ROS1: variants seen among roughly 807,000 people sequenced by gnomAD.
ROS1 encodes the protein ROS proto-oncogene 1, receptor tyrosine kinase.
ROS1 carries 263 observed loss-of-function variants against 273.5 expected under a neutral mutation model. That is an observed-to-expected ratio of 0.96 (90% confidence interval 0.87 to 1.06). ROS1 has a LOEUF of 1.06. Among genes scored for constraint, ROS1 ranks in the 50% least tolerant of loss-of-function variants. The pLI, the probability that ROS1 is intolerant of heterozygous loss-of-function variation, is 0.00. For missense variants in ROS1, 2,833 were observed against 2,751.1 expected, an observed-to-expected ratio of 1.03 and a Z score of -0.67; for synonymous variants, 1,008 against 954.1, an observed-to-expected ratio of 1.06 and a Z score of -1.04.
At chr6:117,356,415 A>AT (rs1779306474) in intron 26 of ROS1, among the ~76,000 whole-genome samples, 1 of 152,232 alleles carries the variant, frequency 6.6e-6, no homozygotes, top group Non-Finnish European at 1.5e-5. Context: ...GTTAATTACA[A>AT]TTTTTTAAAA....
intron 42 of ROS1, among the ~76,000 whole-genome samples, chr6:117,305,665 T>G (rs1008845632): frequency 1.3e-5 from 2 of 152,154 alleles, no homozygotes; most frequent in African/African-American, 4.8e-5. Context: ...GGTTCTCAAA[T>G]AGCAATAAAC....
chr6:117,394,814 T>A, intron 9 of ROS1, 76 bp from the exon 10 acceptor site: 2 of 1,322,284 alleles, frequency 1.5e-6, no homozygotes, highest in Non-Finnish European at 2.0e-6. Flanking sequence ...AGATCAGTAC[T>A]ACCCTTCAAA....
chr6:117,336,543 T>C (rs1170741248), intron 32 of ROS1, among the ~76,000 whole-genome samples: 1 of 152,210 alleles, frequency 6.6e-6, no homozygotes, highest in African/African-American at 2.4e-5. Flanking sequence ...ATGGTGTATA[T>C]GTACCACATT....
intron 26 of ROS1, among the ~76,000 whole-genome samples, chr6:117,354,943 G>T (rs190157771): frequency 6.6e-6 from 1 of 152,314 alleles, no homozygotes; most frequent in Non-Finnish European, 1.5e-5. Flanking sequence ...TACAGGGACA[G>T]CATCCAGGAT....
rs563903654 is a variant in ROS1, at chr6:117,335,229, G to A, written c.5230+1943C>T. 4.0e-4 allele frequency among the ~76,000 whole-genome samples: 61 copies of A among 152,096 alleles called. 3 individuals carry two copies. The South Asian group carries it at 9.1e-3, about 23-fold the overall frequency. On this transcript the variant is annotated intron_variant, in intron 32 of 43. Coordinates refer to ENST00000368507, the MANE Select transcript of ROS1 (RefSeq NM_001378902.1). ...AAAGGGATTTATGCAGCCAATAAAC[G>A]TATGAAAAAAGCTCAACATCACTGA...
intron 36 of ROS1, among the ~76,000 whole-genome samples, chr6:117,320,283 G>A (rs1442372165): frequency 1.3e-5 from 2 of 152,114 alleles, no homozygotes; most frequent in African/African-American, 2.4e-5. Flanking sequence ...AAATATATAT[G>A]TGTATGCATT....
Position 117,425,528 on chromosome 6 carries a change from A to T in ROS1, c.123+6T>A, listed in dbSNP as rs781131727. ...GCAAAGACAAATATTAGATTGTGAG[A>T]CTTACCAGATTAGTTACACACGACT... On this transcript the variant is annotated splice_donor_region_variant and intron_variant, in intron 1 of 43. Transcript: ENST00000368507. 5.0e-6 allele frequency: 8 copies of T among 1,587,012 alleles called. No individual in the cohort carries two copies. In the Admixed American group the frequency reaches 1.5e-4, roughly 30 times the overall value.
intron 7 of ROS1, among the ~76,000 whole-genome samples, chr6:117,399,194 G>A (rs1405710453): frequency 6.6e-6 from 1 of 152,126 alleles, no homozygotes; most frequent in East Asian, 1.9e-4. Context: ...CAGGAGAAAG[G>A]CCCAGAAATG....
chr6:117,340,433 C>T (rs530498205), intron 31 of ROS1, among the ~76,000 whole-genome samples: 7 of 152,090 alleles, frequency 4.6e-5, no homozygotes, highest in Non-Finnish European at 8.8e-5. Context: ...TTTAAAAACA[C>T]GTACACATAC....
At chr6:117,365,773 G>A in intron 19 of ROS1, 32 bp from the exon 20 acceptor site, 1 of 1,458,868 alleles carries the variant, frequency 6.9e-7, no homozygotes, top group African/African-American at 1.4e-5. Flanking sequence ...AGAAATAGGA[G>A]AAAAAAATGG....
rs1228020371 is a variant in ROS1 at position 117,359,911 on chromosome 6, T to C, written c.3531A>G (p.Arg1177=). 1 of 1,613,816 alleles carries C rather than the reference T, an allele frequency of 6.2e-7. No individual in the cohort carries two copies. Among genetic ancestry groups the C allele is most frequent in the Non-Finnish European group, 8.5e-7 (1 of 1,179,776 alleles). The change falls in exon 24 of 44, where the codon AGA becomes AGG. Residue 1177 remains arginine (R), a synonymous_variant. Transcript: ENST00000368507. ...CTGTGTAGCAAACGGCACTGATAAC[T>C]CTTTCTGCTGAAAACGTCCACACAA... ...NQVVWTFSAE[R]VISAVCYTAD...
At position 117,394,154 on chromosome 6, in the gene ROS1, G is replaced by C; in HGVS notation, c.1191+8C>G. ...TATCACTATTCCTCTTTAACTTCTC[G>C]GACTAACCAGTTCATCCATGATGAA... On this transcript the variant is annotated splice_region_variant and intron_variant, in intron 11 of 43. Transcript: ENST00000368507. The C allele has an allele frequency of 1.3e-6, 2 of 1,554,328 alleles. No homozygotes were observed. The highest frequency in any genetic ancestry group is 1.7e-6 in the Non-Finnish European group (2 of 1,148,130).
intron 16 of ROS1, among the ~76,000 whole-genome samples, chr6:117,385,013 C>T (rs939604498): frequency 5.3e-5 from 8 of 152,280 alleles, no homozygotes; most frequent in Middle Eastern, 3.4e-3. Context: ...CTTATGTCTT[C>T]GCACACTTGT....
At chr6:117,355,060 G>A (rs1241342039) in intron 26 of ROS1, among the ~76,000 whole-genome samples, 1 of 152,184 alleles carries the variant, frequency 6.6e-6, no homozygotes, top group African/African-American at 2.4e-5. Flanking sequence ...AAGGGTGGGA[G>A]ATGAAGAACT....
chr6:117,291,609 C>T (rs749121816), intron 43 of ROS1, among the ~76,000 whole-genome samples: 1 of 152,146 alleles, frequency 6.6e-6, no homozygotes, highest in Non-Finnish European at 1.5e-5. Flanking sequence ...ATGAGCAAGT[C>T]ACTAAACCTC....
Position 117,404,276 on chromosome 6 carries a change from A to T in ROS1, c.465+4T>A. 6.2e-7 allele frequency: 1 copy of T among 1,613,362 alleles called. No homozygotes were observed. The highest frequency in any genetic ancestry group is 8.5e-7 in the Non-Finnish European group (1 of 1,179,574). On this transcript the variant is annotated splice_donor_region_variant and intron_variant, in intron 6 of 43. Transcript: ENST00000368507. ...GGTTGAGGTACAAAGGCAGCCTTTC[A>T]TACCTTAGTATAAGTCCAGCTTCCC...
rs1445541132 is a variant in ROS1, at chr6:117,423,410, C to T, written c.123+2124G>A. 2.0e-5 allele frequency among the ~76,000 whole-genome samples: 3 copies of T among 152,152 alleles called. No homozygotes were observed. In the East Asian group the frequency reaches 5.8e-4, roughly 29 times the overall value. On this transcript the variant is annotated intron_variant, in intron 1 of 43. Coordinates refer to ENST00000368507, the MANE Select transcript of ROS1 (RefSeq NM_001378902.1). ...GTGAATCTACAAAAAGAGGGCATAG[C>T]AAAATACACTTCCACAAATGATTCA...
chr6:117,365,944 C>A, intron 19 of ROS1, 132 bp downstream of exon 19: 1 of 881,754 alleles, frequency 1.1e-6, no homozygotes, highest in Non-Finnish European at 1.7e-6. Flanking sequence ...TCACTGCAAG[C>A]AAACCAATTG....
At position 117,360,026 on chromosome 6, in the gene ROS1, A is replaced by C. The variant is rs577776761; in HGVS notation, c.3431-15T>G. 59 of 1,601,082 alleles carry C rather than the reference A, an allele frequency of 3.7e-5. No individual in the cohort carries two copies. In the African/African-American group the frequency reaches 7.6e-4, roughly 21 times the overall value. ...TGGGTTGATTTCTGAAAGCAAAAAA[A>C]CATGTAGATAATATGCATGAGAAAA... On this transcript the variant is annotated splice_polypyrimidine_tract_variant and intron_variant, in intron 23 of 43. Coordinates refer to ENST00000368507, the MANE Select transcript of ROS1 (RefSeq NM_001378902.1).
Sources: gnomAD v4.1 joint callset for allele counts (sites outside exome capture counted in the v4.1 genomes callset) on GRCh38, gnomAD v4.1.1 for gene constraint, MANE v1.5 for transcripts, NCBI Gene and HGNC (gene_info 2026-07-23, HGNC 2026-07-21) for gene names.